DCC: variants seen among roughly 807,000 people sequenced by gnomAD.
DCC encodes the protein netrin receptor DCC.
DCC carries 58 observed loss-of-function variants against 172.5 expected under a neutral mutation model. The observed-to-expected ratio is 0.34, with a 90% CI of 0.27 to 0.42. DCC has a LOEUF of 0.42. Among genes scored for constraint, DCC ranks in the 10% least tolerant of loss-of-function variants. DCC has a pLI of 1.00. For synonymous variants in DCC, 709 were observed against 644.5 expected, an observed-to-expected ratio of 1.10 and a Z score of -1.52; for missense variants, 1,740 against 1,791.0, an observed-to-expected ratio of 0.97 and a Z score of 0.51.
At chr18:53,524,945 A>T (rs1443261637) in intron 27 of DCC, among the ~76,000 whole-genome samples, 1 of 151,974 alleles carries the variant, frequency 6.6e-6, no homozygotes, top group Non-Finnish European at 1.5e-5. Context: ...GATTGTTTTG[A>T]AAAATAGTAA....
At position 52,980,432 on chromosome 18, in the gene DCC, T is replaced by C. The variant is rs558856432; in HGVS notation, c.985+55062T>C. 5.3e-5 allele frequency among the ~76,000 whole-genome samples: 8 copies of C among 152,210 alleles called. No homozygotes were observed. The South Asian group carries it at 1.7e-3, about 32-fold the overall frequency. ...CAGGGTCCGGTTATCTAGACAGTTA[T>C]AGTCAGGTCTAATGATTTTCCCTCT... On this transcript the variant is annotated intron_variant, in intron 5 of 28. Coordinates refer to ENST00000442544, the MANE Select transcript of DCC (RefSeq NM_005215.4).
chr18:52,809,069 G>C (rs1359491388), intron 2 of DCC, among the ~76,000 whole-genome samples: 1 of 152,144 alleles, frequency 6.6e-6, no homozygotes, highest in Non-Finnish European at 1.5e-5. Flanking sequence ...ATTTCTGTTG[G>C]TATTGTTGAC....
chr18:52,753,057 G>T (rs1006214647), intron 2 of DCC, among the ~76,000 whole-genome samples: 1 of 151,406 alleles, frequency 6.6e-6, no homozygotes, highest in Non-Finnish European at 1.5e-5. Flanking sequence ...CCACATCTTG[G>T]CTGTTGTGAA....
chr18:52,524,469 A>G (rs1390019094), intron 1 of DCC, among the ~76,000 whole-genome samples: 1 of 152,222 alleles, frequency 6.6e-6, no homozygotes, highest in Non-Finnish European at 1.5e-5. Flanking sequence ...GTCTCAAATA[A>G]TTTTATGCCA....
intron 1 of DCC, among the ~76,000 whole-genome samples, chr18:52,594,097 G>A (rs1234836099): frequency 6.6e-6 from 1 of 152,074 alleles, no homozygotes; most frequent in African/African-American, 2.4e-5. Context: ...CTTTTACTCG[G>A]GATTTGCCTC....
chr18:52,549,892 A>G (rs1361349382), intron 1 of DCC, among the ~76,000 whole-genome samples: 2 of 151,902 alleles, frequency 1.3e-5, no homozygotes, highest in African/African-American at 4.8e-5. Flanking sequence ...ATTTTGAATA[A>G]TCTAAGTAGA....
intron 21 of DCC, among the ~76,000 whole-genome samples, chr18:53,416,926 A>C (rs1910344264): frequency 6.6e-6 from 1 of 152,216 alleles, no homozygotes. Flanking sequence ...GACAATGAAT[A>C]GTTTATGAGT....
intron 2 of DCC, among the ~76,000 whole-genome samples, chr18:52,865,926 CT>C (rs1433769347): frequency 9.3e-6 from 1 of 107,284 alleles, no homozygotes; most frequent in African/African-American, 3.4e-5. Flanking sequence ...CAATTTTGGC[CT>C]TTGTTGCCAT....
intron 14 of DCC, among the ~76,000 whole-genome samples, chr18:53,327,596 G>A (rs1174726437): frequency 1.3e-5 from 2 of 152,170 alleles, no homozygotes; most frequent in Non-Finnish European, 2.9e-5. Flanking sequence ...CAACAGTGAT[G>A]CAGCAAAAAA....
At chr18:53,468,354 A>ATTTATTTATTTATTTATTTAT (rs2045650031) in intron 25 of DCC, among the ~76,000 whole-genome samples, 1 of 73,832 alleles carries the variant, frequency 1.4e-5, no homozygotes. Context: ...TTATTTATTT[A>ATTTATTTATTTATTTATTTAT]TTTATTTATT....
At chr18:53,283,812 C>T (rs907674645) in intron 12 of DCC, among the ~76,000 whole-genome samples, 1 of 152,178 alleles carries the variant, frequency 6.6e-6, no homozygotes, top group Admixed American at 6.5e-5. Context: ...CAAATTTTCT[C>T]ATGAACTCTG....
intron 5 of DCC, among the ~76,000 whole-genome samples, chr18:52,992,055 G>T (rs1001653598): frequency 3.3e-5 from 5 of 152,158 alleles, no homozygotes; most frequent in Non-Finnish European, 7.3e-5. Context: ...ACCTCATGAG[G>T]TGTTATTATT....
chr18:53,228,589 C>G (rs575622178), intron 12 of DCC, among the ~76,000 whole-genome samples: 2 of 152,086 alleles, frequency 1.3e-5, no homozygotes, highest in African/African-American at 2.4e-5. Flanking sequence ...GAATTAACTT[C>G]TCTACCTATG....
chr18:52,520,977 T>C (rs2031793917), intron 1 of DCC, among the ~76,000 whole-genome samples: 1 of 152,156 alleles, frequency 6.6e-6, no homozygotes, highest in Non-Finnish European at 1.5e-5. Context: ...TGTTTAATTA[T>C]GCAAACTTAA....
chr18:53,275,784 G>A lies in DCC; in HGVS notation c.1912-29794G>A, dbSNP rs373834467. 3.0e-4 allele frequency among the ~76,000 whole-genome samples: 46 copies of A among 152,172 alleles called. No homozygotes were observed. The East Asian group carries it at 6.6e-3, about 22-fold the overall frequency. ...TGGTAGTCTATACAAAAGGGTCATC[G>A]CTGATAATGTGTATAACCAAATGTT... On this transcript the variant is annotated intron_variant, in intron 12 of 28. Coordinates refer to ENST00000442544, the MANE Select transcript of DCC (RefSeq NM_005215.4).
intron 15 of DCC, among the ~76,000 whole-genome samples, chr18:53,346,275 A>AT (rs914733302): frequency 7.6e-4 from 116 of 152,200 alleles, no homozygotes; most frequent in African/African-American, 2.5e-3. Context: ...AGGCATAGTC[A>AT]TTTTTTACTA....
At chr18:52,386,869 C>T (rs1568144770) in intron 1 of DCC, among the ~76,000 whole-genome samples, 1 of 152,028 alleles carries the variant, frequency 6.6e-6, no homozygotes, top group Non-Finnish European at 1.5e-5. Context: ...GCTCAATGTC[C>T]TCATTGAAAC....
intron 11 of DCC, among the ~76,000 whole-genome samples, chr18:53,214,190 T>C (rs951391435): frequency 1.3e-5 from 2 of 152,032 alleles, no homozygotes; most frequent in East Asian, 1.9e-4. Flanking sequence ...AGTTAATTCA[T>C]GAAAAACAAG....
chr18:52,581,954 C>T (rs181559573), intron 1 of DCC, among the ~76,000 whole-genome samples: 43 of 152,244 alleles, frequency 2.8e-4, no homozygotes, highest in African/African-American at 1.0e-3. Flanking sequence ...CGCTAGAAAA[C>T]AATAACATGC....
Sources: gnomAD v4.1 joint callset for allele counts (sites outside exome capture counted in the v4.1 genomes callset) on GRCh38, gnomAD v4.1.1 for gene constraint, MANE v1.5 for transcripts, NCBI Gene and HGNC (gene_info 2026-07-23, HGNC 2026-07-21) for gene names.